Variants in AKAP3 observed in about 807,000 individuals in gnomAD.
The protein encoded by AKAP3 is A-kinase anchoring protein 3.
AKAP3 carries 27 observed loss-of-function variants against 57.2 expected under a neutral mutation model. The observed-to-expected ratio is 0.47, with a 90% CI of 0.35 to 0.65. The LOEUF (loss-of-function observed/expected upper bound fraction) is 0.65. Among genes scored for constraint, AKAP3 ranks in the 30% least tolerant of loss-of-function variants. The probability of loss-of-function intolerance (pLI) is 0.01; values close to 1 mark genes in which losing one functional copy is unlikely to be tolerated. For missense variants in AKAP3, 959 were observed against 1,040.0 expected (o/e 0.92, Z 1.07); for synonymous variants, 334 against 392.3 (o/e 0.85, Z 1.76).
chr12:4,648,389 T>C (rs1170937493), intron 1 of AKAP3: 1 of 152,236 alleles, frequency 6.6e-6, no homozygotes, highest in Non-Finnish European at 1.5e-5. Flanking sequence ...TAGATTCATA[T>C]GCTAGTTGGT....
At chr12:4,632,515 A>C (rs1255171189) in intron 4 of AKAP3, among the ~76,000 whole-genome samples, 1 of 152,254 alleles carries the variant, frequency 6.6e-6, no homozygotes. Context: ...GTTTCAGAGA[A>C]GTCTAAGTGT....
chr12:4,639,885 C>T (rs1340739091), intron 3 of AKAP3, among the ~76,000 whole-genome samples: 3 of 147,202 alleles, frequency 2.0e-5, no homozygotes, highest in African/African-American at 5.0e-5. Context: ...GGCACCATCT[C>T]GGCTCACTGC....
rs1235294650 is a variant in AKAP3, at chr12:4,628,624, G to A, written c.278C>T (p.Thr93Ile). 6.2e-7 allele frequency: 1 copy of A among 1,614,210 alleles called. No homozygotes were observed. Among genetic ancestry groups the A allele is most frequent in the Non-Finnish European group, 8.5e-7 (1 of 1,180,012 alleles). ...CATCTCAAAATGCAATCTTTCTGGA[G>A]TGCCCTTGGTGGTGGTGTTGTAATA... ...VDYYNTTTKG[T>I]PERLHFEMTH... is the part of the protein sequence containing the mutation. Residue 93 changes from threonine to isoleucine, a missense_variant, in exon 5 of 6, where the codon ACT becomes ATT. Coordinates refer to ENST00000228850, the MANE Select transcript of AKAP3 (RefSeq NM_001278309.2).
At chr12:4,621,747 T>G (rs542369361) in intron 5 of AKAP3, among the ~76,000 whole-genome samples, 1 of 152,170 alleles carries the variant, frequency 6.6e-6, no homozygotes, top group Non-Finnish European at 1.5e-5. Flanking sequence ...AAGCAATGCA[T>G]GAGTGGACTA....
At chr12:4,647,682 A>C (rs1337843183) in intron 1 of AKAP3, among the ~76,000 whole-genome samples, 1 of 152,232 alleles carries the variant, frequency 6.6e-6, no homozygotes, top group Non-Finnish European at 1.5e-5. Context: ...CAAGGAAAGT[A>C]TGTTAGTATC....
At chr12:4,638,584 A>T (rs1350281379) in intron 3 of AKAP3, among the ~76,000 whole-genome samples, 1 of 152,152 alleles carries the variant, frequency 6.6e-6, no homozygotes, top group African/African-American at 2.4e-5. Flanking sequence ...AATAGAATTA[A>T]TTTACTGCTC....
At chr12:4,618,487 A>T (rs1289723217) in intron 5 of AKAP3, among the ~76,000 whole-genome samples, 3 of 152,252 alleles carry the variant, frequency 2.0e-5, no homozygotes, top group African/African-American at 7.2e-5. Context: ...AGACCTAAAC[A>T]TAAGAGCTAA....
chr12:4,629,853 T>C (rs974329823), intron 4 of AKAP3, among the ~76,000 whole-genome samples: 1 of 152,220 alleles, frequency 6.6e-6, no homozygotes, highest in Non-Finnish European at 1.5e-5. Context: ...TATCTGGATA[T>C]GTTAAATGGC....
intron 3 of AKAP3, among the ~76,000 whole-genome samples, chr12:4,640,335 ACT>A (rs1945622668): frequency 1.3e-5 from 2 of 152,246 alleles, no homozygotes; most frequent in African/African-American, 2.4e-5. Context: ...TGTTTAAAAT[ACT>A]GTTATAATCA....
intron 4 of AKAP3, chr12:4,635,799 G>T: frequency 1.4e-6 from 1 of 698,060 alleles, no homozygotes; most frequent in South Asian, 1.6e-5. Flanking sequence ...GTGTCATCAA[G>T]ACACACATTT....
intron 5 of AKAP3, among the ~76,000 whole-genome samples, chr12:4,626,043 C>G (rs1171882838): frequency 6.6e-6 from 1 of 152,130 alleles, no homozygotes; most frequent in African/African-American, 2.4e-5. Context: ...ATCCCCAACG[C>G]CACCTAGACA....
chr12:4,635,078 A>G (rs879355246), intron 4 of AKAP3, among the ~76,000 whole-genome samples: 2 of 152,154 alleles, frequency 1.3e-5, no homozygotes, highest in Non-Finnish European at 2.9e-5. Context: ...ATTGCTAGCG[A>G]TGAGAAATTA....
intron 5 of AKAP3, among the ~76,000 whole-genome samples, chr12:4,624,316 CGTGTGT>C (rs71061197): frequency 0.036 from 1,558 of 42,926 alleles, 20 homozygotes; most frequent in African/African-American, 0.074. Flanking sequence ...TGTGACTTTA[CGTGTGT>C]GTGTGTGTGT....
At chr12:4,633,520 T>G in intron 4 of AKAP3, among the ~76,000 whole-genome samples, 1 of 152,048 alleles carries the variant, frequency 6.6e-6, no homozygotes, top group East Asian at 1.9e-4. Flanking sequence ...CATTCATTTC[T>G]TATCAATGCA....
At chr12:4,626,180 C>T (rs1945409581) in intron 5 of AKAP3, among the ~76,000 whole-genome samples, 2 of 152,194 alleles carry the variant, frequency 1.3e-5, no homozygotes, top group Admixed American at 6.5e-5. Flanking sequence ...CTATCCAAAA[C>T]TCAGCCTAGA....
chr12:4,635,507 T>C (rs951464402), intron 4 of AKAP3: 2 of 676,248 alleles, frequency 3.0e-6, no homozygotes, highest in Non-Finnish European at 5.5e-6. Context: ...AGCTGATGTC[T>C]TCATGAATAA....
chr12:4,638,007 T>C, intron 4 of AKAP3, 94 bp downstream of exon 4: 1 of 1,061,162 alleles, frequency 9.4e-7, no homozygotes, highest in Non-Finnish European at 1.5e-6. Flanking sequence ...CCTTGAAAAA[T>C]AAGAGGTTGG....
chr12:4,624,347 G>A lies in AKAP3; in HGVS notation c.2406+2149C>T, dbSNP rs1454596395. 2.7e-5 allele frequency among the ~76,000 whole-genome samples: 4 copies of A among 149,292 alleles called. No homozygotes were observed. In the East Asian group the frequency reaches 7.8e-4, roughly 29 times the overall value. The stretch of plus-strand genomic sequence containing the variant: ...TGTGTGTGTGTGTGTGTGTGTGTGT[G>A]TGTGTGTGTGTGTGTGTATTGCTGG... On this transcript the variant is annotated intron_variant, in intron 5 of 5. Coordinates refer to ENST00000228850, the MANE Select transcript of AKAP3 (RefSeq NM_001278309.2).
At chr12:4,634,856 T>G (rs1442281017) in intron 4 of AKAP3, among the ~76,000 whole-genome samples, 1 of 152,188 alleles carries the variant, frequency 6.6e-6, no homozygotes, top group Non-Finnish European at 1.5e-5. Context: ...AAATATGGAA[T>G]GTTCATTTAA....
Sources: allele counts gnomAD v4.1 joint callset (sites outside exome capture counted in the v4.1 genomes callset), GRCh38; gene constraint gnomAD v4.1.1; transcripts MANE v1.5; gene names NCBI Gene and HGNC (gene_info 2026-07-23, HGNC 2026-07-21).